Variants in PJA2 observed in about 807,000 individuals in gnomAD.
PJA2 encodes E3 ubiquitin-protein ligase Praja-2.
In PJA2, 25 loss-of-function variants were observed where a neutral mutation model predicts 69.3. That is an observed-to-expected ratio of 0.36 (90% CI 0.26 to 0.50). The LOEUF (loss-of-function observed/expected upper bound fraction) is 0.50. Among genes scored for constraint, PJA2 ranks in the 20% least tolerant of loss-of-function variants. PJA2 has a pLI of 0.96. For missense variants in PJA2, 809 were observed against 830.2 expected, an observed-to-expected ratio of 0.97 and a Z score of 0.31; for synonymous variants, 308 against 277.8, an observed-to-expected ratio of 1.11 and a Z score of -1.08.
intron 9 of PJA2, among the ~76,000 whole-genome samples, chr5:109,341,467 G>A (rs1253581412): frequency 1.4e-5 from 2 of 139,740 alleles, no homozygotes; most frequent in African/African-American, 5.3e-5. Flanking sequence ...TGAGAAGTGA[G>A]GAGCCTCTCC....
chr5:109,382,876 T>G (rs1582617551), intron 2 of PJA2, among the ~76,000 whole-genome samples: 1 of 149,718 alleles, frequency 6.7e-6, no homozygotes, highest in Non-Finnish European at 1.5e-5. Context: ...AATAAATGAA[T>G]GAATGAAACA....
chr5:109,366,441 T>C (rs1762586738), intron 5 of PJA2, among the ~76,000 whole-genome samples: 1 of 152,222 alleles, frequency 6.6e-6, no homozygotes, highest in African/African-American at 2.4e-5. Context: ...TCTTGCTTTT[T>C]CTTTTGCTTA....
At chr5:109,389,530 A>C (rs557540178) in intron 1 of PJA2, among the ~76,000 whole-genome samples, 133 of 151,200 alleles carry the variant, frequency 8.8e-4, no homozygotes, top group African/African-American at 3.1e-3. Flanking sequence ...GTTTTCTCTC[A>C]TTTTTCTTAA....
chr5:109,357,853 A>C (rs1040119976), intron 6 of PJA2, among the ~76,000 whole-genome samples: 5 of 152,264 alleles, frequency 3.3e-5, no homozygotes, highest in African/African-American at 1.2e-4. Flanking sequence ...AAAACTCTTC[A>C]AACGATTGAA....
intron 5 of PJA2, among the ~76,000 whole-genome samples, 161 bp downstream of exon 5, chr5:109,368,400 T>A (rs1762620276): frequency 6.6e-6 from 1 of 152,196 alleles, no homozygotes. Context: ...TCAACTTAAT[T>A]GTTCTTTTTA....
chr5:109,342,589 C>T (rs1309157081), intron 9 of PJA2, among the ~76,000 whole-genome samples: 1 of 93,946 alleles, frequency 1.1e-5, no homozygotes, highest in Non-Finnish European at 2.2e-5. Context: ...CTCTGCCCGG[C>T]CGCCCCTACT....
intron 7 of PJA2, among the ~76,000 whole-genome samples, chr5:109,346,594 C>G (rs544490361): frequency 1.7e-4 from 26 of 152,196 alleles, no homozygotes; most frequent in Non-Finnish European, 3.2e-4. Flanking sequence ...GAAGGAAATT[C>G]TAACACATGC....
intron 1 of PJA2, among the ~76,000 whole-genome samples, chr5:109,397,088 T>G (rs1402355669): frequency 6.6e-6 from 1 of 152,220 alleles, no homozygotes; most frequent in African/African-American, 2.4e-5. Flanking sequence ...GGGAAACTAC[T>G]TAGCCCTTTT....
intron 3 of PJA2, 135 bp from the exon 4 acceptor site, chr5:109,379,389 T>C (rs1296843998): frequency 7.5e-6 from 5 of 664,974 alleles, no homozygotes; most frequent in Admixed American, 5.9e-5. Context: ...TACCAAGCAC[T>C]TCTATGCTCC....
intron 7 of PJA2, among the ~76,000 whole-genome samples, chr5:109,351,889 ATTAT>A (rs1762259453): frequency 6.6e-6 from 1 of 152,190 alleles, no homozygotes; most frequent in Admixed American, 6.6e-5. Flanking sequence ...ATAATCATAA[ATTAT>A]TTTTGTTTCA....
intron 7 of PJA2, among the ~76,000 whole-genome samples, chr5:109,352,575 GTTCT>G (rs1762271249): frequency 2.0e-5 from 3 of 152,054 alleles, no homozygotes; most frequent in Non-Finnish European, 1.5e-5. Context: ...ATCTCATGAT[GTTCT>G]TTCTGACTTT....
At chr5:109,372,923 A>AAAAAAGAAAGAAAG (rs1272538036) in intron 4 of PJA2, among the ~76,000 whole-genome samples, 2 of 136,788 alleles carry the variant, frequency 1.5e-5, no homozygotes, top group African/African-American at 5.5e-5. Flanking sequence ...AAAAAAAAAA[A>AAAAAAGAAAGAAAG]AAAGAAAGAA....
chr5:109,392,584 AAAC>A, intron 1 of PJA2, among the ~76,000 whole-genome samples: 1 of 148,296 alleles, frequency 6.7e-6, no homozygotes, highest in African/African-American at 2.5e-5. Flanking sequence ...AAAAAGTGTC[AAAC>A]AATAGAACTT....
In PJA2 at chr5:109,368,496, T is replaced by C. The variant is rs952932787; in HGVS notation, c.1469+65A>G. On this transcript the variant is annotated intron_variant, in intron 5 of 9. Coordinates refer to ENST00000361189, the MANE Select transcript of PJA2 (RefSeq NM_014819.5). Reference sequence around the variant, plus strand: ...AATACAATTAATGGCATATCCAACATTTGAATGTAAAATATACCACTCTTG... The same window carrying C: ...AATACAATTAATGGCATATCCAACACTTGAATGTAAAATATACCACTCTTG... 14 of 1,407,384 alleles carry C rather than the reference T, an allele frequency of 9.9e-6. No homozygotes were observed. The East Asian group carries it at 1.9e-4, about 19-fold the overall frequency. The allele number at this position is 1,407,384 out of a possible 1,614,324, so 87.2% of individuals were successfully genotyped here.
chr5:109,353,458 GATACCT>G (rs1439732224), intron 7 of PJA2, among the ~76,000 whole-genome samples: 11 of 114,022 alleles, frequency 9.6e-5, no homozygotes, highest in Admixed American at 3.0e-4. Flanking sequence ...CTATATATTA[GATACCT>G]ATATCTATAG....
chr5:109,376,027 A>G (rs1234239208), intron 4 of PJA2, among the ~76,000 whole-genome samples: 1 of 152,156 alleles, frequency 6.6e-6, no homozygotes, highest in Non-Finnish European at 1.5e-5. Context: ...AAATATAAGT[A>G]CAGTCCTAGG....
At chr5:109,377,465 G>C (rs1373154937) in intron 4 of PJA2, among the ~76,000 whole-genome samples, 1 of 151,782 alleles carries the variant, frequency 6.6e-6, no homozygotes, top group Non-Finnish European at 1.5e-5. Context: ...TTATGGTTTG[G>C]AAAAAAAAGA....
chr5:109,351,939 C>T (rs1026629230), intron 7 of PJA2, among the ~76,000 whole-genome samples: 1 of 152,038 alleles, frequency 6.6e-6, no homozygotes, highest in South Asian at 2.1e-4. Flanking sequence ...ATACTGAACA[C>T]AGAAAAACAG....
At chr5:109,371,724 T>G in intron 4 of PJA2, among the ~76,000 whole-genome samples, 1 of 152,270 alleles carries the variant, frequency 6.6e-6, no homozygotes, top group Non-Finnish European at 1.5e-5. Flanking sequence ...CTAATGCTAC[T>G]GCTTTAGTTT....
Sources: gnomAD v4.1 joint callset for allele counts (sites outside exome capture counted in the v4.1 genomes callset) on GRCh38, gnomAD v4.1.1 for gene constraint, MANE v1.5 for transcripts, NCBI Gene and HGNC (gene_info 2026-07-23, HGNC 2026-07-21) for gene names.